PTPRD: variants seen among roughly 807,000 people sequenced by gnomAD.
PTPRD encodes receptor-type tyrosine-protein phosphatase delta.
PTPRD carries 34 observed loss-of-function variants against 214.5 expected under a neutral mutation model. That is an observed-to-expected ratio of 0.16 (90% CI 0.12 to 0.21). The LOEUF (loss-of-function observed/expected upper bound fraction) is 0.21. Ranked by LOEUF, PTPRD falls within the 10% of genes least tolerant of loss-of-function variation. PTPRD has a pLI of 1.00. For synonymous variants in PTPRD, 1,128 were observed against 845.7 expected (o/e 1.33, Z -5.79); for missense variants, 2,545 against 2,398.7 (o/e 1.06, Z -1.27).
chr9:8,518,694 T>C (rs995917290), intron 20 of PTPRD, among the ~76,000 whole-genome samples: 54 of 152,238 alleles, frequency 3.5e-4, no homozygotes, highest in Non-Finnish European at 3.2e-4. Flanking sequence ...TAAGTGATCC[T>C]GCACGCATTT....
intron 8 of PTPRD, among the ~76,000 whole-genome samples, chr9:9,460,494 A>C (rs2093549651): frequency 6.6e-6 from 1 of 152,132 alleles, no homozygotes; most frequent in Admixed American, 6.6e-5. Flanking sequence ...ATTAGAAAAA[A>C]ACAAATCCAT....
chr9:8,388,981 C>A (rs2088354007), intron 37 of PTPRD, among the ~76,000 whole-genome samples: 1 of 109,052 alleles, frequency 9.2e-6, no homozygotes, highest in African/African-American at 4.3e-5. Context: ...TGTGAATATT[C>A]CTTTTTTTTT....
At chr9:8,963,230 G>A (rs938402568) in intron 11 of PTPRD, among the ~76,000 whole-genome samples, 50 of 152,224 alleles carry the variant, frequency 3.3e-4, no homozygotes, top group African/African-American at 9.9e-4. Context: ...GTAAAGAGAA[G>A]CAAGGAAATG....
chr9:9,033,592 A>T (rs1261214875), intron 10 of PTPRD, among the ~76,000 whole-genome samples: 1 of 152,160 alleles, frequency 6.6e-6, no homozygotes, highest in Non-Finnish European at 1.5e-5. Flanking sequence ...AGAGATAGAT[A>T]CTTCGAAAAT....
intron 3 of PTPRD, among the ~76,000 whole-genome samples, chr9:10,183,165 A>C (rs2099310469): frequency 6.6e-6 from 1 of 152,134 alleles, no homozygotes. Context: ...TTTTAAAGGA[A>C]GTGTTTGCCA....
intron 11 of PTPRD, among the ~76,000 whole-genome samples, chr9:8,827,048 A>C (rs1566407272): frequency 6.6e-6 from 1 of 151,694 alleles, no homozygotes; most frequent in East Asian, 1.9e-4. Flanking sequence ...ACACACATAT[A>C]ACACACACAC....
At chr9:8,707,014 C>A (rs556171227) in intron 12 of PTPRD, among the ~76,000 whole-genome samples, 1 of 152,150 alleles carries the variant, frequency 6.6e-6, no homozygotes, top group Non-Finnish European at 1.5e-5. Flanking sequence ...TTTATTACTT[C>A]CTTTAGCAGG....
chr9:9,241,487 GA>G, intron 9 of PTPRD, among the ~76,000 whole-genome samples: 1 of 152,166 alleles, frequency 6.6e-6, no homozygotes, highest in South Asian at 2.1e-4. Flanking sequence ...ACAACTTTGA[GA>G]AACTAAGGTA....
chr9:9,427,763 T>C (rs955462483), intron 8 of PTPRD, among the ~76,000 whole-genome samples: 3 of 152,182 alleles, frequency 2.0e-5, no homozygotes, highest in African/African-American at 7.2e-5. Flanking sequence ...CTACTCAACA[T>C]GCTTAAAGAA....
intron 31 of PTPRD, among the ~76,000 whole-genome samples, chr9:8,466,915 G>C (rs2096555660): frequency 6.6e-6 from 1 of 151,780 alleles, no homozygotes; most frequent in African/African-American, 2.4e-5. Context: ...ATCAAGGCTA[G>C]GCTTCTGTGA....
intron 35 of PTPRD, among the ~76,000 whole-genome samples, chr9:8,407,527 T>C (rs1322869799): frequency 1.3e-5 from 2 of 152,184 alleles, no homozygotes; most frequent in Admixed American, 6.5e-5. Flanking sequence ...GCCATGATAC[T>C]ACTTAACTAT....
chr9:10,327,903 A>T (rs1171104639), intron 3 of PTPRD, among the ~76,000 whole-genome samples: 2 of 151,766 alleles, frequency 1.3e-5, no homozygotes, highest in African/African-American at 2.4e-5. Flanking sequence ...ATTTGAAAGA[A>T]CAAGATTTGG....
chr9:10,481,538 C>T (rs1439185113), intron 2 of PTPRD, among the ~76,000 whole-genome samples: 3 of 152,046 alleles, frequency 2.0e-5, no homozygotes, highest in Non-Finnish European at 4.4e-5. Flanking sequence ...AAGGATTTGC[C>T]TGATTTGTGT....
intron 11 of PTPRD, among the ~76,000 whole-genome samples, chr9:8,899,983 ATCT>A (rs1162666964): frequency 2.6e-5 from 4 of 152,170 alleles, no homozygotes; most frequent in African/African-American, 9.7e-5. Flanking sequence ...GCTTGAACAC[ATCT>A]TCTTTTTGAG....
At chr9:9,829,351 G>A (rs758706932) in intron 5 of PTPRD, among the ~76,000 whole-genome samples, 1 of 151,672 alleles carries the variant, frequency 6.6e-6, no homozygotes, top group Non-Finnish European at 1.5e-5. Flanking sequence ...AATAAAACAA[G>A]TCCATATTTA....
At chr9:9,635,927 A>G (rs1288893537) in intron 7 of PTPRD, among the ~76,000 whole-genome samples, 3 of 152,168 alleles carry the variant, frequency 2.0e-5, no homozygotes, top group Non-Finnish European at 2.9e-5. Context: ...TTTAAGTCCC[A>G]TTCACAGCAG....
intron 34 of PTPRD, among the ~76,000 whole-genome samples, chr9:8,449,356 C>T (rs990322642): frequency 2.0e-5 from 3 of 150,106 alleles, no homozygotes; most frequent in African/African-American, 4.9e-5. Context: ...AAGATGTGTA[C>T]AGTCATCCAT....
chr9:9,489,994 C>A (rs1414214146), intron 8 of PTPRD, among the ~76,000 whole-genome samples: 1 of 151,930 alleles, frequency 6.6e-6, no homozygotes, highest in Non-Finnish European at 1.5e-5. Context: ...AAGAGAAAAT[C>A]TTAAAAGGAG....
At chr9:9,876,024 T>C (rs181011646) in intron 5 of PTPRD, among the ~76,000 whole-genome samples, 23 of 152,060 alleles carry the variant, frequency 1.5e-4, no homozygotes, top group Non-Finnish European at 2.5e-4. Context: ...TAATTCATTA[T>C]TGTAAGAAAA....
Sources: gnomAD v4.1 joint callset for allele counts (sites outside exome capture counted in the v4.1 genomes callset) on GRCh38, gnomAD v4.1.1 for gene constraint, MANE v1.5 for transcripts, NCBI Gene and HGNC (gene_info 2026-07-23, HGNC 2026-07-21) for gene names.